Variants in PDE10A observed in about 807,000 individuals in gnomAD.
PDE10A encodes the protein cAMP and cAMP-inhibited cGMP 3',5'-cyclic phosphodiesterase 10A.
Under a neutral mutation model 97.7 loss-of-function variants are expected in PDE10A, and 39 were observed. The observed-to-expected ratio is 0.40, with a 90% confidence interval of 0.31 to 0.52. The LOEUF (loss-of-function observed/expected upper bound fraction) is 0.52. Among genes scored for constraint, PDE10A ranks in the 20% least tolerant of loss-of-function variants. The pLI is 0.56. For missense variants in PDE10A, 731 were observed against 1,047.8 expected (o/e 0.70, Z 4.17); for synonymous variants, 371 against 376.8 (o/e 0.98, Z 0.18).
At chr6:165,341,468 T>C (rs1423620801) in intron 19 of PDE10A, among the ~76,000 whole-genome samples, 1 of 152,214 alleles carries the variant, frequency 6.6e-6, no homozygotes, top group East Asian at 1.9e-4. Flanking sequence ...ATAGCAATCC[T>C]GTACCTGAAC....
At position 165,500,721 on chromosome 6, in the gene PDE10A, T is replaced by C. The variant is rs550414682; in HGVS notation, c.995-18378A>G. ...ATGAAAGAGGAAGGCCTCTTTGCAG[T>C]TGAGATAAGAGGAAGGCATTTGTCT... On this transcript the variant is annotated intron_variant, in intron 2 of 21. Coordinates refer to ENST00000539869, the MANE Select transcript of PDE10A (RefSeq NM_001385079.1). 4.6e-5 allele frequency among the ~76,000 whole-genome samples: 7 copies of C among 151,374 alleles called. No homozygotes were observed. The South Asian group carries it at 1.0e-3, about 23-fold the overall frequency.
chr6:165,641,156 G>A (rs1251958244), intron 1 of PDE10A, among the ~76,000 whole-genome samples: 1 of 152,090 alleles, frequency 6.6e-6, no homozygotes. Context: ...CAGACACGTG[G>A]GGGCCAGTAA....
chr6:165,733,701 A>G (rs1792495105), intron 1 of PDE10A, among the ~76,000 whole-genome samples: 1 of 152,218 alleles, frequency 6.6e-6, no homozygotes, highest in Non-Finnish European at 1.5e-5. Flanking sequence ...CAGTTGTTTG[A>G]CAGGAGAAAA....
intron 1 of PDE10A, among the ~76,000 whole-genome samples, chr6:165,606,153 G>GAAAAAAAAAAAAAAAAAAAAAAAAAAA (rs71029555): frequency 1.8e-5 from 2 of 113,278 alleles, no homozygotes; most frequent in Non-Finnish European, 3.5e-5. Flanking sequence ...ACGAACAAGC[G>GAAAAAAAAAAAAAAAAAAAAAAAAAAA]AAAAAAAAAA....
intron 1 of PDE10A, among the ~76,000 whole-genome samples, chr6:165,859,827 A>G (rs1780848833): frequency 6.6e-6 from 1 of 152,188 alleles, no homozygotes; most frequent in African/African-American, 2.4e-5. Context: ...TAAAGAATAT[A>G]TCATATATAT....
intron 1 of PDE10A, among the ~76,000 whole-genome samples, chr6:165,755,100 T>C (rs1793087345): frequency 6.6e-6 from 1 of 152,188 alleles, no homozygotes; most frequent in African/African-American, 2.4e-5. Flanking sequence ...CTGACACACC[T>C]TCTCTGAAGA....
At chr6:165,390,657 T>A (rs1785641974) in intron 16 of PDE10A, among the ~76,000 whole-genome samples, 1 of 150,762 alleles carries the variant, frequency 6.6e-6, no homozygotes. Flanking sequence ...TGGAGAGGAG[T>A]GTGAAGGTTT....
At chr6:165,439,798 A>G (rs1790298550) in intron 5 of PDE10A, among the ~76,000 whole-genome samples, 1 of 152,246 alleles carries the variant, frequency 6.6e-6, no homozygotes, top group South Asian at 2.1e-4. Flanking sequence ...AAAAATGTAA[A>G]TTTTGGGAAA....
At chr6:165,444,069 C>G (rs561719592) in intron 5 of PDE10A, among the ~76,000 whole-genome samples, 1 of 152,304 alleles carries the variant, frequency 6.6e-6, no homozygotes, top group African/African-American at 2.4e-5. Flanking sequence ...CTTTTAAACA[C>G]AAAACCTTCT....
intron 2 of PDE10A, among the ~76,000 whole-genome samples, chr6:165,484,474 C>A (rs1447636628): frequency 6.6e-6 from 1 of 152,176 alleles, no homozygotes; most frequent in African/African-American, 2.4e-5. Context: ...AACCCTACTG[C>A]GAACTGCACT....
At chr6:165,898,978 G>T (rs941265011) in intron 1 of PDE10A, among the ~76,000 whole-genome samples, 3 of 152,174 alleles carry the variant, frequency 2.0e-5, no homozygotes, top group Non-Finnish European at 4.4e-5. Flanking sequence ...GGCCTTCGGG[G>T]ACCCCATCAA....
At chr6:165,508,121 T>TTAAA (rs1379282433) in intron 2 of PDE10A, among the ~76,000 whole-genome samples, 2 of 152,042 alleles carry the variant, frequency 1.3e-5, no homozygotes, top group Non-Finnish European at 2.9e-5. Flanking sequence ...ATATTTAAAG[T>TTAAA]TAAAAGGTTG....
chr6:165,957,866 G>A (rs1784183005), intron 1 of PDE10A, among the ~76,000 whole-genome samples: 1 of 152,168 alleles, frequency 6.6e-6, no homozygotes, highest in Admixed American at 6.5e-5. Flanking sequence ...GTGTTTGGGG[G>A]AGTCTGAATT....
chr6:165,345,113 T>C (rs1274821396), intron 18 of PDE10A, among the ~76,000 whole-genome samples: 1 of 152,212 alleles, frequency 6.6e-6, no homozygotes, highest in Non-Finnish European at 1.5e-5. Flanking sequence ...TTTAAAATAA[T>C]TCAATCTTAT....
chr6:165,434,016 C>CAAAAAAA (rs759945561), intron 6 of PDE10A, among the ~76,000 whole-genome samples: 19 of 54,472 alleles, frequency 3.5e-4, no homozygotes, highest in South Asian at 8.5e-4. Flanking sequence ...GACTCCGTCT[C>CAAAAAAA]AAAAAAAAAA....
At chr6:165,931,384 G>A (rs1015814240) in intron 1 of PDE10A, among the ~76,000 whole-genome samples, 1 of 152,196 alleles carries the variant, frequency 6.6e-6, no homozygotes, top group African/African-American at 2.4e-5. Flanking sequence ...ATTGAAAGAC[G>A]AAAAGGAATA....
intron 1 of PDE10A, among the ~76,000 whole-genome samples, chr6:165,888,608 C>G (rs1047641098): frequency 6.6e-6 from 1 of 152,184 alleles, no homozygotes; most frequent in Non-Finnish European, 1.5e-5. Flanking sequence ...TGCCTATTGC[C>G]TTCTGCGGGA....
chr6:165,620,018 C>A (rs1348486512), intron 1 of PDE10A, among the ~76,000 whole-genome samples: 1 of 152,112 alleles, frequency 6.6e-6, no homozygotes, highest in East Asian at 1.9e-4. Flanking sequence ...CTACAGTAAT[C>A]TAGATTTCTA....
intron 1 of PDE10A, among the ~76,000 whole-genome samples, chr6:165,809,532 A>G (rs555410349): frequency 6.6e-6 from 1 of 151,932 alleles, no homozygotes; most frequent in Non-Finnish European, 1.5e-5. Context: ...CCATACCCAC[A>G]CTGCAAGGAT....
Sources: allele counts gnomAD v4.1 joint callset (sites outside exome capture counted in the v4.1 genomes callset), GRCh38; gene constraint gnomAD v4.1.1; transcripts MANE v1.5; gene names NCBI Gene and HGNC (gene_info 2026-07-23, HGNC 2026-07-21).